The following EPHA6 variants were observed in gnomAD, a reference collection of about 807,000 sequenced individuals.
EPHA6 encodes ephrin type-A receptor 6.
EPHA6 carries 50 observed loss-of-function variants against 112.0 expected under a neutral mutation model. The observed-to-expected ratio is 0.45, with a 90% CI of 0.36 to 0.56. EPHA6 has a LOEUF of 0.56. Among genes scored for constraint, EPHA6 ranks in the 20% least tolerant of loss-of-function variants. EPHA6 has a pLI of 0.00. For missense variants in EPHA6, 1,280 were observed against 1,417.4 expected (o/e 0.90, Z 1.56); for synonymous variants, 529 against 490.7 (o/e 1.08, Z -1.03).
intron 2 of EPHA6, among the ~76,000 whole-genome samples, chr3:96,976,606 C>A (rs2042532961): frequency 6.6e-6 from 1 of 151,924 alleles, no homozygotes; most frequent in Non-Finnish European, 1.5e-5. Context: ...TCTTACAGTC[C>A]AAATTGGATT....
In EPHA6 at chr3:97,001,847, C is replaced by G. The variant is rs139917591; in HGVS notation, c.1114+13854C>G. Among the ~76,000 whole-genome samples the G allele has an allele frequency of 5.0e-3, 762 of 151,938 alleles. 5 individuals carry two copies. The highest frequency in any genetic ancestry group is 9.1e-3 in the Non-Finnish European group (621 of 67,884). ...AAAAACAAGCTCTGCTTTTCTGCAGCAATGGACAGAAAAAAGCATGATTTA... is the reference window on the plus strand; with the variant it reads ...AAAAACAAGCTCTGCTTTTCTGCAGGAATGGACAGAAAAAAGCATGATTTA... On this transcript the variant is annotated intron_variant, in intron 3 of 17. Coordinates refer to ENST00000389672, the MANE Select transcript of EPHA6 (RefSeq NM_001080448.3).
In EPHA6 at chr3:97,049,557, C is replaced by T. The variant is rs139656124; in HGVS notation, c.1114+61564C>T. ...TTTTACAAGTCATCTTCACCCAGAG[C>T]TTATTGATCAGTACACAAATTATGT... On this transcript the variant is annotated intron_variant, in intron 3 of 17. Transcript: ENST00000389672. Among the ~76,000 whole-genome samples the T allele has an allele frequency of 4.6e-5, 7 of 152,242 alleles. No homozygotes were observed. In the East Asian group the frequency reaches 1.4e-3, roughly 29 times the overall value.
intron 1 of EPHA6, among the ~76,000 whole-genome samples, chr3:96,841,774 A>G (rs2034765735): frequency 1.3e-5 from 2 of 152,152 alleles, no homozygotes; most frequent in Non-Finnish European, 2.9e-5. Flanking sequence ...TAACAAAAGT[A>G]TACATAAAAA....
Position 97,735,950 on chromosome 3 carries a change from A to G in EPHA6, c.2960A>G (p.Tyr987Cys). 6.2e-7 allele frequency: 1 copy of G among 1,611,902 alleles called. No individual in the cohort carries two copies. The highest frequency in any genetic ancestry group is 8.5e-7 in the Non-Finnish European group (1 of 1,178,690). Residue 987 changes from tyrosine (Y) to cysteine (C), a missense_variant, in exon 16 of 18, where the codon TAC (tyrosine) becomes TGC (cysteine). Tyr to Cys is a radical substitution (Grantham distance 194). Coordinates refer to ENST00000389672, the MANE Select transcript of EPHA6 (RefSeq NM_001080448.3). ...GTCATTCTGTCCATTGAAGAAGGGT[A>G]CAGACTTCCAGCTCCCATGGGCTGT... ...QDVILSIEEG[Y>C]RLPAPMGCPA...
chr3:96,843,594 G>T (rs989305139), intron 1 of EPHA6, among the ~76,000 whole-genome samples: 1 of 152,000 alleles, frequency 6.6e-6, no homozygotes, highest in Non-Finnish European at 1.5e-5. Context: ...ATGTGAGCCT[G>T]CAGAATTCGT....
intron 5 of EPHA6, among the ~76,000 whole-genome samples, chr3:97,396,023 A>G (rs1452778853): frequency 1.3e-5 from 2 of 151,766 alleles, no homozygotes; most frequent in Non-Finnish European, 2.9e-5. Context: ...AGGAATCGAT[A>G]GCCTTGTGGA....
chr3:97,135,322 T>C (rs2075739461), intron 3 of EPHA6, among the ~76,000 whole-genome samples: 1 of 152,166 alleles, frequency 6.6e-6, no homozygotes, highest in Non-Finnish European at 1.5e-5. Flanking sequence ...AGTTGAGCTT[T>C]CTAATTCTAG....
At chr3:97,289,434 C>G (rs1174683145) in intron 5 of EPHA6, among the ~76,000 whole-genome samples, 2 of 152,046 alleles carry the variant, frequency 1.3e-5, no homozygotes, top group Non-Finnish European at 2.9e-5. Flanking sequence ...TTCCATTGGT[C>G]TTTGTGTCTG....
chr3:97,470,604 G>A lies in EPHA6; in HGVS notation c.1895-4748G>A, dbSNP rs573640443. Among the ~76,000 whole-genome samples the A allele has an allele frequency of 7.3e-5, 11 of 151,572 alleles. No homozygotes were observed. In the East Asian group the frequency reaches 9.7e-4, roughly 13 times the overall value. On this transcript the variant is annotated intron_variant, in intron 7 of 17. Coordinates refer to ENST00000389672, the MANE Select transcript of EPHA6 (RefSeq NM_001080448.3). ...AAAAATAGCCAAATTGCCTTTCTCC[G>A]ACACTTTCCTAAAGATATGAAATCT...
intron 2 of EPHA6, among the ~76,000 whole-genome samples, chr3:96,945,558 A>G (rs2041210864): frequency 6.6e-6 from 1 of 152,212 alleles, no homozygotes; most frequent in African/African-American, 2.4e-5. Context: ...TCACTTAACA[A>G]TTCCATATGT....
intron 1 of EPHA6, among the ~76,000 whole-genome samples, chr3:96,824,700 G>T (rs1217333373): frequency 6.6e-6 from 1 of 151,992 alleles, no homozygotes; most frequent in Non-Finnish European, 1.5e-5. Flanking sequence ...GTATTCAGCT[G>T]TACAGTTGGT....
chr3:97,292,902 G>A (rs148484600), intron 5 of EPHA6, among the ~76,000 whole-genome samples: 20 of 151,230 alleles, frequency 1.3e-4, no homozygotes, highest in African/African-American at 4.6e-4. Flanking sequence ...CCAGCTCTCA[G>A]TGGAGAGGAG....
At chr3:97,211,344 C>A (rs1160151635) in intron 3 of EPHA6, among the ~76,000 whole-genome samples, 3 of 152,088 alleles carry the variant, frequency 2.0e-5, no homozygotes, top group Admixed American at 2.0e-4. Context: ...ATTTATTAAT[C>A]CCTCACAACC....
chr3:96,976,651 A>G (rs948058892), intron 2 of EPHA6, among the ~76,000 whole-genome samples: 1 of 152,126 alleles, frequency 6.6e-6, no homozygotes, highest in African/African-American at 2.4e-5. Context: ...AGACCCAGGA[A>G]GGGAAGCCTC....
At chr3:97,623,444 A>G (rs1466847082) in intron 13 of EPHA6, among the ~76,000 whole-genome samples, 1 of 151,722 alleles carries the variant, frequency 6.6e-6, no homozygotes, top group Admixed American at 6.6e-5. Context: ...GTATAACAAT[A>G]TAACACAGAT....
intron 3 of EPHA6, among the ~76,000 whole-genome samples, chr3:97,166,946 T>C (rs1296938995): frequency 6.6e-6 from 1 of 152,112 alleles, no homozygotes; most frequent in African/African-American, 2.4e-5. Flanking sequence ...TTATATTTCA[T>C]TGGACAAAGG....
At chr3:97,180,845 C>T (rs1050464888) in intron 3 of EPHA6, among the ~76,000 whole-genome samples, 1 of 152,098 alleles carries the variant, frequency 6.6e-6, no homozygotes, top group Non-Finnish European at 1.5e-5. Context: ...GCCAGCCCTC[C>T]CTTGGCTGTC....
chr3:97,257,569 G>T (rs542885649), intron 5 of EPHA6, among the ~76,000 whole-genome samples: 1 of 151,792 alleles, frequency 6.6e-6, no homozygotes, highest in Non-Finnish European at 1.5e-5. Context: ...TGTATGATTT[G>T]GTAAAAATCT....
chr3:96,965,055 G>C (rs2042076538), intron 2 of EPHA6, among the ~76,000 whole-genome samples: 1 of 152,144 alleles, frequency 6.6e-6, no homozygotes. Flanking sequence ...GTGAGTTTCA[G>C]AAACAGCTAG....
Sources: gnomAD v4.1 joint callset for allele counts (sites outside exome capture counted in the v4.1 genomes callset) on GRCh38, gnomAD v4.1.1 for gene constraint, MANE v1.5 for transcripts, NCBI Gene and HGNC (gene_info 2026-07-23, HGNC 2026-07-21) for gene names.